IQGAP2: variants seen among roughly 807,000 people sequenced by gnomAD.
IQGAP2 encodes IQ motif containing GTPase activating protein 2.
A neutral mutation model predicts 201.3 loss-of-function variants in IQGAP2; 173 were observed. That is an observed-to-expected ratio of 0.86 (90% confidence interval 0.76 to 0.98). The LOEUF is 0.98. Ranked by LOEUF, IQGAP2 falls within the 50% of genes least tolerant of loss-of-function variation. IQGAP2 has a pLI of 0.00. For synonymous variants in IQGAP2, 675 were observed against 673.9 expected, an observed-to-expected ratio of 1.00 and a Z score of -0.03; for missense variants, 1,687 against 1,864.8, an observed-to-expected ratio of 0.90 and a Z score of 1.76.
At chr5:76,578,021 C>T (rs1460871832) in intron 5 of IQGAP2, among the ~76,000 whole-genome samples, 2 of 152,206 alleles carry the variant, frequency 1.3e-5, no homozygotes, top group Non-Finnish European at 2.9e-5. Context: ...AAAGTTAGCT[C>T]TTAGCCCTGA....
At chr5:76,472,257 G>A (rs529310442) in intron 2 of IQGAP2, among the ~76,000 whole-genome samples, 20 of 152,310 alleles carry the variant, frequency 1.3e-4, no homozygotes, top group Middle Eastern at 6.8e-3. Flanking sequence ...CTTGTCCAGG[G>A]TAGCTTGGCA....
At chr5:76,692,663 CTTTACTG>C (rs1455593808) in intron 30 of IQGAP2, among the ~76,000 whole-genome samples, 1 of 152,188 alleles carries the variant, frequency 6.6e-6, no homozygotes, top group East Asian at 1.9e-4. Flanking sequence ...TTTTCCAGCT[CTTTACTG>C]TTTACTGAGA....
chr5:76,428,802 A>AAT (rs398109054), intron 1 of IQGAP2, among the ~76,000 whole-genome samples: 1 of 150,028 alleles, frequency 6.7e-6, no homozygotes, highest in African/African-American at 2.4e-5. Context: ...AAAAAAAAAA[A>AAT]GGTTTCTCAG....
intron 2 of IQGAP2, among the ~76,000 whole-genome samples, chr5:76,464,343 T>C (rs1437994510): frequency 6.6e-6 from 1 of 152,246 alleles, no homozygotes; most frequent in African/African-American, 2.4e-5. Context: ...ATTGCATGAT[T>C]CTTTTAAAGT....
chr5:76,634,246 A>G (rs2432192), intron 15 of IQGAP2, among the ~76,000 whole-genome samples: 86,364 of 148,912 alleles, frequency 0.58, 24,721 homozygotes, highest in South Asian at 0.63. Flanking sequence ...AGCCTGCAAA[A>G]CTGAAAATAT....
At chr5:76,581,943 G>A (rs553084452) in intron 5 of IQGAP2, among the ~76,000 whole-genome samples, 1 of 152,302 alleles carries the variant, frequency 6.6e-6, no homozygotes, top group South Asian at 2.1e-4. Context: ...TGTATACAAA[G>A]GACACATTTA....
Position 76,570,670 on chromosome 5 carries a change from G to T in IQGAP2, c.381+13G>T, listed in dbSNP as rs80247589. On this transcript the variant is annotated intron_variant, in intron 4 of 35. Transcript: ENST00000274364. ...TGGTCTACCCAAGGTAAGCCTTCACGCACTGGAATCTGAACTAGAAAGGCA... is the reference window on the plus strand; with the variant it reads ...TGGTCTACCCAAGGTAAGCCTTCACTCACTGGAATCTGAACTAGAAAGGCA... 6.2e-5 allele frequency: 98 copies of T among 1,589,298 alleles called. No homozygotes were observed. Among genetic ancestry groups the T allele is most frequent in the Non-Finnish European group, 7.3e-5 (85 of 1,157,834 alleles).
intron 2 of IQGAP2, among the ~76,000 whole-genome samples, chr5:76,537,003 T>C (rs1759666954): frequency 1.3e-5 from 2 of 152,218 alleles, no homozygotes; most frequent in South Asian, 4.1e-4. Flanking sequence ...TCTGAAATTG[T>C]TTGCTGTCAT....
At chr5:76,553,156 A>T (rs1743681060) in intron 2 of IQGAP2, among the ~76,000 whole-genome samples, 1 of 152,212 alleles carries the variant, frequency 6.6e-6, no homozygotes, top group South Asian at 2.1e-4. Context: ...CCAGCTAATG[A>T]AAAGTTTTGC....
intron 16 of IQGAP2, among the ~76,000 whole-genome samples, chr5:76,640,057 T>C (rs980579205): frequency 1.3e-5 from 2 of 152,226 alleles, no homozygotes; most frequent in Non-Finnish European, 2.9e-5. Context: ...CATCAGTCTG[T>C]TAAGATTATT....
chr5:76,410,918 T>C (rs574865412), intron 1 of IQGAP2, among the ~76,000 whole-genome samples: 13 of 152,320 alleles, frequency 8.5e-5, no homozygotes, highest in Admixed American at 2.0e-4. Context: ...AATTTTATAA[T>C]CGTGTATTGT....
intron 17 of IQGAP2, among the ~76,000 whole-genome samples, chr5:76,642,976 T>G (rs1561542791): frequency 6.6e-6 from 1 of 152,134 alleles, no homozygotes; most frequent in Admixed American, 6.5e-5. Context: ...CCATATTATT[T>G]TTGAGCAGTT....
At position 76,606,408 on chromosome 5, in the gene IQGAP2, T is replaced by C. The variant is rs929806910; in HGVS notation, c.1357+105T>C. 1.9e-5 allele frequency: 18 copies of C among 958,760 alleles called. No homozygotes were observed. In the African/African-American group the frequency reaches 2.2e-4, roughly 12 times the overall value. 59.4% of individuals were successfully genotyped at this position (958,760 alleles called of 1,614,324 possible). A position where few individuals can be genotyped will look rare whatever the true frequency, so the allele number is the denominator to read the frequency against. The stretch of plus-strand genomic sequence containing the variant: ...TTAAGTTTTTGCTCAAGGAACTTTG[T>C]GAGAGCAAACTCCGCTAATATGCAT... On this transcript the variant is annotated intron_variant, in intron 12 of 35. Coordinates refer to ENST00000274364, the MANE Select transcript of IQGAP2 (RefSeq NM_006633.5).
chr5:76,628,690 C>G, intron 14 of IQGAP2: 1 of 456,168 alleles, frequency 2.2e-6, no homozygotes, highest in Middle Eastern at 3.3e-4. Context: ...CACAGATGGG[C>G]TTTTCAACCT....
chr5:76,517,671 G>C (rs192341823), intron 2 of IQGAP2, among the ~76,000 whole-genome samples: 180 of 151,298 alleles, frequency 1.2e-3, no homozygotes, highest in Admixed American at 9.1e-3. Flanking sequence ...TTCATTTCTT[G>C]TAAGTTCACC....
chr5:76,506,189 A>T (rs1199035068), intron 2 of IQGAP2, among the ~76,000 whole-genome samples: 1 of 152,202 alleles, frequency 6.6e-6, no homozygotes, highest in African/African-American at 2.4e-5. Flanking sequence ...GACTTGATCC[A>T]TTCGTAGGTC....
chr5:76,432,590 G>C (rs1162116707), intron 1 of IQGAP2, among the ~76,000 whole-genome samples: 2 of 152,234 alleles, frequency 1.3e-5, no homozygotes, highest in East Asian at 1.9e-4. Context: ...ACCTGATCAT[G>C]CCTCATTTTT....
At chr5:76,509,984 C>CTTT (rs11331690) in intron 2 of IQGAP2, among the ~76,000 whole-genome samples, 23 of 138,048 alleles carry the variant, frequency 1.7e-4, no homozygotes, top group African/African-American at 4.9e-4. Context: ...AATTTTCTTT[C>CTTT]TTTTTTTTTT....
At chr5:76,487,077 A>T (rs1756199170) in intron 2 of IQGAP2, among the ~76,000 whole-genome samples, 1 of 150,318 alleles carries the variant, frequency 6.7e-6, no homozygotes, top group African/African-American at 2.4e-5. Context: ...TTGCTGTGTA[A>T]ATGTTTATTG....
Sources: allele counts gnomAD v4.1 joint callset (sites outside exome capture counted in the v4.1 genomes callset), GRCh38; gene constraint gnomAD v4.1.1; transcripts MANE v1.5; gene names NCBI Gene and HGNC (gene_info 2026-07-23, HGNC 2026-07-21).